The following ADGRL2 variants were observed in gnomAD, a reference collection of about 807,000 sequenced individuals.
ADGRL2 encodes calcium-independent alpha-latrotoxin receptor 2.
Under a neutral mutation model 157.4 loss-of-function variants are expected in ADGRL2, and 44 were observed. The ratio of observed to expected loss-of-function variants is 0.28; its 90% CI spans 0.22 to 0.36. The LOEUF (loss-of-function observed/expected upper bound fraction) is 0.36. Ranked by LOEUF, ADGRL2 falls within the 10% of genes least tolerant of loss-of-function variation. The pLI is 1.00. For missense variants in ADGRL2, 1,510 were observed against 1,768.9 expected (o/e 0.85, Z 2.63); for synonymous variants, 585 against 624.7 (o/e 0.94, Z 0.95).
At chr1:81,830,453 A>C (rs1325079075) in intron 1 of ADGRL2, among the ~76,000 whole-genome samples, 1 of 152,198 alleles carries the variant, frequency 6.6e-6, no homozygotes, top group Admixed American at 6.5e-5. Flanking sequence ...GCACTTCACA[A>C]AACTTCAGCT....
At position 81,430,622 on chromosome 1, in the gene ADGRL2, C is replaced by T. The variant is rs921361423; in HGVS notation, c.-301-14414C>T. ...GTCTTTCCCCTCTCCCCCAGCCCCC[C>T]ACTGATGTTAACATGTCCTTTCTTT... On this transcript the variant is annotated intron_variant, in intron 1 of 24. Transcript: ENST00000370721. 2.6e-5 allele frequency among the ~76,000 whole-genome samples: 4 copies of T among 152,174 alleles called. No homozygotes were observed. The East Asian group carries it at 5.8e-4, about 22-fold the overall frequency.
intron 18 of ADGRL2, chr1:81,980,664 T>A (rs2149436077): frequency 2.2e-6 from 1 of 461,958 alleles, no homozygotes; most frequent in South Asian, 6.6e-5. Flanking sequence ...AGGGTAAATT[T>A]TTTTTTAATT....
intron 1 of ADGRL2, among the ~76,000 whole-genome samples, chr1:81,356,973 A>AAAAAAAAAAAAAAAAAAAAAAAAT (rs59956374): frequency 6.8e-6 from 1 of 146,254 alleles, no homozygotes; most frequent in Non-Finnish European, 1.5e-5. Context: ...AAAAAAAAAA[A>AAAAAAAAAAAAAAAAAAAAAAAAT]GAAGTTGTTT....
intron 2 of ADGRL2, among the ~76,000 whole-genome samples, chr1:81,769,904 T>A (rs542859904): frequency 6.6e-6 from 1 of 152,020 alleles, no homozygotes; most frequent in East Asian, 1.9e-4. Flanking sequence ...TGCTCTGTCA[T>A]CCAGGCTGGA....
intron 1 of ADGRL2, among the ~76,000 whole-genome samples, chr1:81,745,572 C>A (rs1181822068): frequency 2.0e-5 from 3 of 152,106 alleles, no homozygotes. Context: ...TTAGTACACT[C>A]AGTGTTATTC....
At chr1:81,383,045 G>T (rs899001517) in intron 1 of ADGRL2, among the ~76,000 whole-genome samples, 3 of 152,048 alleles carry the variant, frequency 2.0e-5, no homozygotes, top group Admixed American at 6.5e-5. Flanking sequence ...TAGTGTTTGG[G>T]GATATCCCAG....
intron 1 of ADGRL2, among the ~76,000 whole-genome samples, chr1:81,383,724 G>A (rs558045020): frequency 5.2e-4 from 78 of 149,692 alleles, no homozygotes; most frequent in African/African-American, 1.8e-3. Flanking sequence ...CAGCACTTTG[G>A]GAGGCCAAGG....
At chr1:81,664,907 A>G (rs984563121) in intron 3 of ADGRL2, among the ~76,000 whole-genome samples, 25 of 152,114 alleles carry the variant, frequency 1.6e-4, no homozygotes, top group African/African-American at 6.0e-4. Flanking sequence ...TTTATTTTAT[A>G]TATATTTATT....
At chr1:81,467,447 A>G (rs2078081911) in intron 2 of ADGRL2, among the ~76,000 whole-genome samples, 1 of 152,220 alleles carries the variant, frequency 6.6e-6, no homozygotes. Flanking sequence ...TCGAAAGCCA[A>G]AAGCACTAAC....
chr1:81,584,278 A>G (rs1345702008), intron 3 of ADGRL2, among the ~76,000 whole-genome samples: 1 of 152,134 alleles, frequency 6.6e-6, no homozygotes, highest in Non-Finnish European at 1.5e-5. Flanking sequence ...CTCACTGGGC[A>G]GGGGGAGTAA....
At chr1:81,634,148 C>A (rs899473248) in intron 3 of ADGRL2, among the ~76,000 whole-genome samples, 3 of 152,118 alleles carry the variant, frequency 2.0e-5, no homozygotes, top group African/African-American at 7.2e-5. Context: ...GAGAATGTTT[C>A]AAAAGGAAGA....
At chr1:81,798,479 T>C (rs898475865), upstream of ADGRL2, among the ~76,000 whole-genome samples, 12 of 152,102 alleles carry the variant, frequency 7.9e-5, no homozygotes, top group Admixed American at 2.6e-4. Flanking sequence ...AGCAAGTCTA[T>C]TATATTTTTA....
intron 2 of ADGRL2, among the ~76,000 whole-genome samples, chr1:81,851,573 AT>A (rs2093006121): frequency 6.6e-6 from 1 of 151,868 alleles, no homozygotes; most frequent in Non-Finnish European, 1.5e-5. Context: ...TTTTATATAG[AT>A]TTATACATCA....
chr1:81,758,367 A>G (rs2085760384), intron 1 of ADGRL2, among the ~76,000 whole-genome samples: 1 of 152,040 alleles, frequency 6.6e-6, no homozygotes, highest in Non-Finnish European at 1.5e-5. Context: ...CTCATTCCTC[A>G]CCTCTACTCA....
chr1:81,447,074 A>C (rs1028083807), intron 2 of ADGRL2, among the ~76,000 whole-genome samples: 1 of 152,112 alleles, frequency 6.6e-6, no homozygotes, highest in African/African-American at 2.4e-5. Context: ...AGTCAACATA[A>C]ATTTTACTAT....
intron 19 of ADGRL2, among the ~76,000 whole-genome samples, chr1:81,983,708 T>C (rs1662292863): frequency 6.6e-6 from 1 of 152,050 alleles, no homozygotes; most frequent in Admixed American, 6.6e-5. Context: ...GCTGCAACAG[T>C]CCAGCAGCAC....
chr1:81,586,360 C>T (rs1480426312), intron 3 of ADGRL2: 2 of 151,856 alleles, frequency 1.3e-5, no homozygotes, highest in Admixed American at 6.6e-5. Context: ...GATGAAGGAG[C>T]TGAGGCTGAG....
At chr1:81,667,198 C>G (rs2082768081) in intron 3 of ADGRL2, among the ~76,000 whole-genome samples, 1 of 152,164 alleles carries the variant, frequency 6.6e-6, no homozygotes, top group Non-Finnish European at 1.5e-5. Flanking sequence ...AGAAGCAAAA[C>G]CTGTCCCTGG....
chr1:81,499,751 G>T (rs116056829), intron 2 of ADGRL2, among the ~76,000 whole-genome samples: 213 of 152,258 alleles, frequency 1.4e-3, no homozygotes, highest in African/African-American at 5.0e-3. Flanking sequence ...GCAGAATTGG[G>T]TGTCAAAAGA....
Sources: allele counts gnomAD v4.1 joint callset (sites outside exome capture counted in the v4.1 genomes callset), GRCh38; gene constraint gnomAD v4.1.1; transcripts MANE v1.5; gene names NCBI Gene and HGNC (gene_info 2026-07-23, HGNC 2026-07-21).